The following P2RY2 variants were observed in gnomAD, a reference collection of about 807,000 sequenced individuals.
The protein encoded by P2RY2 is P2Y purinoceptor 2.
For synonymous variants in P2RY2, 241 were observed against 231.9 expected (o/e 1.04, Z -0.35); for missense variants, 567 against 515.7 (o/e 1.10, Z -0.96).
rs148618782 is a variant in P2RY2 at position 73,234,952 on chromosome 11, C to T, written c.793C>T (p.Arg265Cys). 236 of 1,610,724 alleles carry T rather than the reference C, an allele frequency of 1.5e-4. No homozygotes were observed. Among genetic ancestry groups the T allele is most frequent in the Non-Finnish European group, 1.9e-4 (221 of 1,180,010 alleles). The change falls in exon 3 of 3, where the codon CGC becomes TGC. Residue 265 changes from arginine to cysteine, a missense_variant. By Grantham distance (180) the Arg-to-Cys change is radical. Coordinates refer to ENST00000393597, the MANE Select transcript of P2RY2 (RefSeq NM_002564.4). Reference sequence around the variant, plus strand: ...CTGCTTCCTGCCATTCCACGTCACCCGCACCCTCTACTACTCCTTCCGCTC... The same window carrying T: ...CTGCTTCCTGCCATTCCACGTCACCTGCACCCTCTACTACTCCTTCCGCTC... ...ALCFLPFHVTRTLYYSFRSLD... is the reference protein window; with the variant it reads ...ALCFLPFHVTCTLYYSFRSLD...
At chr11:73,223,424 G>T (rs1273869651) in intron 1 of P2RY2, among the ~76,000 whole-genome samples, 3 of 152,146 alleles carry the variant, frequency 2.0e-5, no homozygotes, top group African/African-American at 7.2e-5. Context: ...AGTGTCATGG[G>T]CTCCTGAATT....
rs767420204 is a variant in P2RY2 at position 73,235,034 on chromosome 11, G to A, written c.875G>A (p.Arg292Gln). Residue 292 changes from arginine (R) to glutamine (Q), a missense_variant, in exon 3 of 3, where the codon CGG (arginine) becomes CAG (glutamine). Transcript: ENST00000393597. ...NAINMAYKVT[R>Q]PLASANSCLD... The stretch of plus-strand genomic sequence containing the variant: ...ATCAACATGGCCTACAAGGTTACCC[G>A]GCCGCTGGCCAGTGCTAACAGTTGC... 12 of 1,608,162 alleles carry A rather than the reference G, an allele frequency of 7.5e-6. No homozygotes were observed. Among genetic ancestry groups the A allele is most frequent in the Non-Finnish European group, 1.0e-5 (12 of 1,179,966 alleles).
At chr11:73,224,342 T>C (rs1177307330) in intron 1 of P2RY2, among the ~76,000 whole-genome samples, 1 of 152,208 alleles carries the variant, frequency 6.6e-6, no homozygotes, top group Admixed American at 6.5e-5. Flanking sequence ...CATCTCTTGT[T>C]CATCCTCACT....
intron 2 of P2RY2, among the ~76,000 whole-genome samples, chr11:73,231,099 A>G (rs1336603165): frequency 6.6e-6 from 1 of 152,106 alleles, no homozygotes; most frequent in Non-Finnish European, 1.5e-5. Flanking sequence ...GGCACCACAT[A>G]AGCATCTCCC....
At position 73,237,430 on chromosome 11, in the gene P2RY2, T is replaced by C. The variant is rs1318089213; in HGVS notation, c.*2137T>C. Among the ~76,000 whole-genome samples, 1 of 152,098 alleles carries C rather than the reference T, an allele frequency of 6.6e-6. No homozygotes were observed. The highest frequency in any genetic ancestry group is 1.5e-5 in the Non-Finnish European group (1 of 68,010). On this transcript the variant is annotated 3_prime_UTR_variant, in exon 3 of 3. Coordinates refer to ENST00000393597, the MANE Select transcript of P2RY2 (RefSeq NM_002564.4). ...ACCTGGCTAATTTTTGTATTTTTAA[T>C]AGAGACAGGGTTTCGCCATGTTGGC...
At chr11:73,230,856 G>A (rs776534851) in intron 2 of P2RY2, among the ~76,000 whole-genome samples, 10 of 147,940 alleles carry the variant, frequency 6.8e-5, no homozygotes, top group Non-Finnish European at 1.0e-4. Context: ...GGGTAGGAGC[G>A]GCAGGAGGAT....
rs143364105 is a variant in P2RY2 at position 73,222,561 on chromosome 11, C to T, written c.-200+4129C>T. Among the ~76,000 whole-genome samples the T allele has an allele frequency of 2.0e-3, 297 of 152,240 alleles. 1 individual carries two copies. Among genetic ancestry groups the T allele is most frequent in the African/African-American group, 7.0e-3 (291 of 41,528 alleles). ...CCTTTTCAAGTGAATTCCTCAGGCT[C>T]CCACACATTCCATGCCACCTCACCC... On this transcript the variant is annotated intron_variant, in intron 1 of 2. Transcript: ENST00000393597.
intron 1 of P2RY2, among the ~76,000 whole-genome samples, chr11:73,223,175 T>C (rs886311553): frequency 1.3e-5 from 2 of 152,178 alleles, no homozygotes; most frequent in African/African-American, 4.8e-5. Context: ...GAACTCAGAA[T>C]CCTGGAGGTA....
At chr11:73,230,172 C>T (rs1176741726) in intron 2 of P2RY2, among the ~76,000 whole-genome samples, 1 of 152,058 alleles carries the variant, frequency 6.6e-6, no homozygotes, top group Admixed American at 6.5e-5. Flanking sequence ...TCTCAGCTGG[C>T]CTTCCAAAGC....
chr11:73,227,545 C>G (rs907605697), intron 1 of P2RY2, among the ~76,000 whole-genome samples: 1 of 152,144 alleles, frequency 6.6e-6, no homozygotes, highest in Non-Finnish European at 1.5e-5. Context: ...AGATAGAAAC[C>G]TAGCTTGGGC....
rs139659395 is a variant in P2RY2 at position 73,238,844 on chromosome 11, T to A, written c.*3551T>A. 6.6e-6 allele frequency: 1 copy of A among 152,208 alleles called. No homozygotes were observed. The highest frequency in any genetic ancestry group is 2.1e-4 in the South Asian group (1 of 4,830). 9.4% of individuals were successfully genotyped at this position (152,208 alleles called of 1,614,324 possible). Reference sequence around the variant, plus strand: ...CCTGCAGGGCAGAAGGGTCTATAAGTGGCCCCTCGCATGATTCAAGATGAC... The same window carrying A: ...CCTGCAGGGCAGAAGGGTCTATAAGAGGCCCCTCGCATGATTCAAGATGAC... On this transcript the variant is annotated 3_prime_UTR_variant, in exon 3 of 3. Transcript: ENST00000393597.
Position 73,236,619 on chromosome 11 carries a change from C to G in P2RY2, c.*1326C>G. On this transcript the variant is annotated 3_prime_UTR_variant, in exon 3 of 3. Coordinates refer to ENST00000393597, the MANE Select transcript of P2RY2 (RefSeq NM_002564.4). ...TGGACAGCTGACTCCAGGCTCAAGG[C>G]AGGGTTGGGGCTGGGTCACAAGGAG... 1 of 985,402 alleles carries G rather than the reference C, an allele frequency of 1.0e-6. No individual in the cohort carries two copies. Among genetic ancestry groups the G allele is most frequent in the South Asian group, 4.7e-5 (1 of 21,284 alleles). The allele number at this position is 985,402 out of a possible 1,614,324, so 61.0% of individuals were successfully genotyped here.
At chr11:73,233,001 T>C (rs1862503702) in intron 2 of P2RY2, among the ~76,000 whole-genome samples, 1 of 152,150 alleles carries the variant, frequency 6.6e-6, no homozygotes, top group Non-Finnish European at 1.5e-5. Flanking sequence ...ACTCACTGTC[T>C]GTTGGATGGT....
In P2RY2 at chr11:73,235,918, G is replaced by T. The variant is rs558772572; in HGVS notation, c.*625G>T. 6 of 1,000,414 alleles carry T rather than the reference G, an allele frequency of 6.0e-6. No homozygotes were observed. The highest frequency in any genetic ancestry group is 6.0e-6 in the Non-Finnish European group (5 of 830,086). 62.0% of individuals were successfully genotyped at this position (1,000,414 alleles called of 1,614,324 possible). ...TGTGAGGCTGTAACTTATACTAAAG[G>T]TTGTGTTGCCTGCTGAGCTGTGCCC... On this transcript the variant is annotated 3_prime_UTR_variant, in exon 3 of 3. Transcript: ENST00000393597.
chr11:73,234,913 G>T lies in P2RY2; in HGVS notation c.754G>T (p.Ala252Ser), dbSNP rs867192171. Residue 252 changes from alanine to serine, a missense_variant, in exon 3 of 3, where the codon GCT becomes TCT. Transcript: ENST00000393597. The part of the protein sequence containing the change: ...KSVRTIAVVL[A>S]VFALCFLPFH... ...CGTGCGCACCATCGCCGTGGTGCTG[G>T]CTGTCTTCGCCCTCTGCTTCCTGCC... 1 of 1,610,778 alleles carries T rather than the reference G, an allele frequency of 6.2e-7. No individual in the cohort carries two copies.
intron 1 of P2RY2, among the ~76,000 whole-genome samples, chr11:73,226,599 C>T (rs1291787618): frequency 2.6e-5 from 4 of 152,162 alleles, no homozygotes; most frequent in African/African-American, 9.7e-5. Context: ...GGAACCTGGG[C>T]TCAGCTGTCG....
At chr11:73,224,131 A>G (rs1020397336) in intron 1 of P2RY2, among the ~76,000 whole-genome samples, 1 of 152,140 alleles carries the variant, frequency 6.6e-6, no homozygotes, top group African/African-American at 2.4e-5. Context: ...CCCCTTAGCC[A>G]TTTCCTCAGA....
intron 1 of P2RY2, among the ~76,000 whole-genome samples, chr11:73,222,422 T>C (rs1862146473): frequency 1.3e-5 from 2 of 152,134 alleles, no homozygotes; most frequent in Non-Finnish European, 1.5e-5. Context: ...CTACCTTCCA[T>C]GTGGCACCAT....
chr11:73,226,607 T>G (rs566251716), intron 1 of P2RY2, among the ~76,000 whole-genome samples: 3 of 152,218 alleles, frequency 2.0e-5, no homozygotes, highest in Admixed American at 2.0e-4. Context: ...GGCTCAGCTG[T>G]CGCAGGCCCA....
Sources: allele counts gnomAD v4.1 joint callset (sites outside exome capture counted in the v4.1 genomes callset), GRCh38; gene constraint gnomAD v4.1.1; transcripts MANE v1.5; gene names NCBI Gene and HGNC (gene_info 2026-07-23, HGNC 2026-07-21).